The following CERS3 variants were observed in gnomAD, a reference collection of about 807,000 sequenced individuals.
The protein encoded by CERS3 is LAG1 homolog, ceramide synthase 3.
A neutral mutation model predicts 50.3 loss-of-function variants in CERS3; 33 were observed. The observed-to-expected ratio is 0.66, with a 90% CI of 0.50 to 0.88. The LOEUF (loss-of-function observed/expected upper bound fraction) is 0.88, where lower values mean the gene tolerates loss of function less well. Ranked by LOEUF, CERS3 falls within the 40% of genes least tolerant of loss-of-function variation. The pLI, the probability that CERS3 is intolerant of heterozygous loss-of-function variation, is 0.00. For missense variants in CERS3, 470 were observed against 460.3 expected, an observed-to-expected ratio of 1.02 and a Z score of -0.19; for synonymous variants, 176 against 155.2, an observed-to-expected ratio of 1.13 and a Z score of -0.99.
intron 11 of CERS3, among the ~76,000 whole-genome samples, chr15:100,449,016 G>A (rs1427952530): frequency 6.6e-6 from 1 of 152,168 alleles, no homozygotes; most frequent in Non-Finnish European, 1.5e-5. Context: ...CAGTAGCAGG[G>A]CACCCTGCCC....
At chr15:100,494,245 ATATATATATATATT>A (rs1436946040) in intron 3 of CERS3, among the ~76,000 whole-genome samples, 2,099 of 19,108 alleles carry the variant, frequency 0.11, 130 homozygotes, top group Non-Finnish European at 0.23. Flanking sequence ...ATATATATAT[ATATATATATATATT>A]TGTTTTGAGA....
chr15:100,464,915 T>C (rs1049490272), intron 10 of CERS3, among the ~76,000 whole-genome samples: 2 of 152,096 alleles, frequency 1.3e-5, no homozygotes, highest in Non-Finnish European at 2.9e-5. Flanking sequence ...GAGAATGGGA[T>C]AAGATCCTCA....
Position 100,473,063 on chromosome 15 carries a change from A to T in CERS3, c.610-11T>A, listed in dbSNP as rs377393638. The T allele has an allele frequency of 6.2e-7, 1 of 1,609,460 alleles. No individual in the cohort carries two copies. Among genetic ancestry groups the T allele is most frequent in the African/African-American group, 1.3e-5 (1 of 74,708 alleles). On this transcript the variant is annotated splice_polypyrimidine_tract_variant and intron_variant, in intron 8 of 11. Coordinates refer to ENST00000679737, the MANE Select transcript of CERS3 (RefSeq NM_001378789.1). ...ATGAGCTAGAAAATCCTGTAAGATG[A>T]GGGAAAATGGAAGCCATTAAGGAAA... is the stretch of plus-strand genomic sequence containing the variant.
chr15:100,499,357 T>G (rs897529244), intron 3 of CERS3, among the ~76,000 whole-genome samples: 1 of 152,002 alleles, frequency 6.6e-6, no homozygotes, highest in African/African-American at 2.4e-5. Flanking sequence ...AATCAAAACA[T>G]TAGCCACACA....
At chr15:100,516,168 A>C (rs1322629511) in intron 2 of CERS3, among the ~76,000 whole-genome samples, 3 of 152,184 alleles carry the variant, frequency 2.0e-5, no homozygotes, top group Non-Finnish European at 4.4e-5. Context: ...CCATCAACTC[A>C]TCCGGTTAGA....
At chr15:100,450,010 A>G (rs1475267025) in intron 11 of CERS3, among the ~76,000 whole-genome samples, 1 of 152,214 alleles carries the variant, frequency 6.6e-6, no homozygotes, top group Non-Finnish European at 1.5e-5. Flanking sequence ...ACAATTCATA[A>G]TGTGAATGAG....
chr15:100,413,910 G>C (rs927917900), intron 11 of CERS3, among the ~76,000 whole-genome samples: 1 of 151,602 alleles, frequency 6.6e-6, no homozygotes, highest in Admixed American at 6.6e-5. Context: ...ATCATAAATA[G>C]ACCAACAGCA....
At chr15:100,422,947 GA>G (rs2142095488) in intron 11 of CERS3, among the ~76,000 whole-genome samples, 1 of 122,228 alleles carries the variant, frequency 8.2e-6, no homozygotes, top group Non-Finnish European at 1.7e-5. Flanking sequence ...GGGTGGGGGG[GA>G]GGGGGGAGGG....
At chr15:100,490,733 C>G in intron 4 of CERS3, 84 bp downstream of exon 4, 2 of 796,370 alleles carry the variant, frequency 2.5e-6, no homozygotes, top group South Asian at 3.1e-5. Context: ...GAATAGATTT[C>G]TTGCACACAC....
At chr15:100,417,794 C>CT (rs1292383655) in intron 11 of CERS3, among the ~76,000 whole-genome samples, 6 of 151,772 alleles carry the variant, frequency 4.0e-5, no homozygotes, top group African/African-American at 1.5e-4. Flanking sequence ...GGCAGCCTAA[C>CT]TGAGAGGCAC....
chr15:100,483,139 C>G (rs1281084186), intron 5 of CERS3, among the ~76,000 whole-genome samples: 2 of 152,226 alleles, frequency 1.3e-5, no homozygotes, highest in African/African-American at 4.8e-5. Context: ...AAGGTCCAAC[C>G]TATGTCTTCC....
At chr15:100,488,354 T>C (rs1404803089) in intron 4 of CERS3, among the ~76,000 whole-genome samples, 2 of 152,228 alleles carry the variant, frequency 1.3e-5, no homozygotes, top group East Asian at 3.8e-4. Flanking sequence ...ATATTACCAA[T>C]GCAATATTCT....
intron 11 of CERS3, among the ~76,000 whole-genome samples, chr15:100,454,476 G>A (rs989757264): frequency 1.3e-5 from 2 of 151,414 alleles, no homozygotes; most frequent in African/African-American, 4.9e-5. Flanking sequence ...TTCAATAAAT[G>A]GTGTGGGGAA....
intron 9 of CERS3, among the ~76,000 whole-genome samples, chr15:100,469,693 T>C (rs2034901363): frequency 6.6e-6 from 1 of 152,244 alleles, no homozygotes; most frequent in Admixed American, 6.5e-5. Flanking sequence ...TCCCTTTATC[T>C]TGCCATATGT....
intron 2 of CERS3, among the ~76,000 whole-genome samples, chr15:100,504,720 G>A (rs1343005626): frequency 2.6e-5 from 4 of 152,116 alleles, no homozygotes; most frequent in East Asian, 1.9e-4. Context: ...GGGTGACCAC[G>A]GACTGCAGAC....
chr15:100,418,020 G>A (rs11560081), intron 11 of CERS3, among the ~76,000 whole-genome samples: 69,014 of 151,254 alleles, frequency 0.46, 16,416 homozygotes, highest in Non-Finnish European at 0.55. Flanking sequence ...AAAACGCAGA[G>A]CACCTCTCCT....
chr15:100,523,097 C>T (rs1056603763), intron 1 of CERS3, among the ~76,000 whole-genome samples: 4 of 152,160 alleles, frequency 2.6e-5, no homozygotes, highest in African/African-American at 9.7e-5. Context: ...GAGTATGTTT[C>T]AAGTCTCTTG....
At chr15:100,502,282 A>G (rs2036035131) in intron 2 of CERS3, among the ~76,000 whole-genome samples, 1 of 149,966 alleles carries the variant, frequency 6.7e-6, no homozygotes, top group Admixed American at 6.7e-5. Context: ...AAAGAAAGAA[A>G]GAAAGAAAAT....
Position 100,490,935 on chromosome 15 carries a change from C to A in CERS3, c.174-4G>T. 4.5e-6 allele frequency: 7 copies of A among 1,553,820 alleles called. No homozygotes were observed. Among genetic ancestry groups the A allele is most frequent in the East Asian group, 2.3e-5 (1 of 43,844 alleles). ...TGCTAGAGGTGAAGCAACAAATCTA[C>A]AAAAATATGAAAAGAAAAAAAGTTC... On this transcript the variant is annotated splice_region_variant and splice_polypyrimidine_tract_variant and intron_variant, in intron 3 of 11. Coordinates refer to ENST00000679737, the MANE Select transcript of CERS3 (RefSeq NM_001378789.1).
Sources: gnomAD v4.1 joint callset for allele counts (sites outside exome capture counted in the v4.1 genomes callset) on GRCh38, gnomAD v4.1.1 for gene constraint, MANE v1.5 for transcripts, NCBI Gene and HGNC (gene_info 2026-07-23, HGNC 2026-07-21) for gene names.